CDKAL1: variants seen among roughly 807,000 people sequenced by gnomAD.
CDKAL1 encodes the protein CDKAL1 threonylcarbamoyladenosine tRNA methylthiotransferase.
CDKAL1 carries 32 observed loss-of-function variants against 68.2 expected under a neutral mutation model. The observed-to-expected ratio is 0.47, with a 90% CI of 0.35 to 0.63. CDKAL1 has a LOEUF of 0.63. Ranked by LOEUF, CDKAL1 falls within the 30% of genes least tolerant of loss-of-function variation. CDKAL1 has a pLI of 0.00. For synonymous variants in CDKAL1, 234 were observed against 244.3 expected, an observed-to-expected ratio of 0.96 and a Z score of 0.39; for missense variants, 606 against 696.7, an observed-to-expected ratio of 0.87 and a Z score of 1.47.
chr6:20,838,710 C>G (rs566683255), intron 8 of CDKAL1, among the ~76,000 whole-genome samples: 1 of 152,102 alleles, frequency 6.6e-6, no homozygotes, highest in Non-Finnish European at 1.5e-5. Context: ...CAGTGGTTCA[C>G]GCCTGTAATC....
intron 5 of CDKAL1, among the ~76,000 whole-genome samples, chr6:20,651,706 C>G (rs1768778670): frequency 6.6e-6 from 1 of 152,002 alleles, no homozygotes; most frequent in Non-Finnish European, 1.5e-5. Context: ...ATAAATGGCC[C>G]TTATTATTTT....
rs569546459 is a variant in CDKAL1 at position 20,940,887 on chromosome 6, A to G, written c.743-14532A>G. On this transcript the variant is annotated intron_variant, in intron 9 of 15. Coordinates refer to ENST00000274695, the MANE Select transcript of CDKAL1 (RefSeq NM_017774.3). ...GGGCAGATCACGAGGTCAGGAGATC[A>G]AGACCATCCTGGCTAACACAGTGAA... Among the ~76,000 whole-genome samples, 78 of 152,248 alleles carry G rather than the reference A, an allele frequency of 5.1e-4. 1 individual carries two copies. Among genetic ancestry groups the G allele is most frequent in the South Asian group, 1.9e-3 (9 of 4,820 alleles).
At chr6:20,546,876 C>T (rs2127653644) in intron 3 of CDKAL1, among the ~76,000 whole-genome samples, 1 of 152,214 alleles carries the variant, frequency 6.6e-6, no homozygotes, top group East Asian at 1.9e-4. Flanking sequence ...ATTTTCATTC[C>T]AGGGAGAAGC....
At chr6:20,927,750 G>GT (rs200566843) in intron 9 of CDKAL1, among the ~76,000 whole-genome samples, 16 of 151,226 alleles carry the variant, frequency 1.1e-4, no homozygotes, top group Admixed American at 3.3e-4. Context: ...CAGGAATAAT[G>GT]TTTTTTTTTC....
intron 15 of CDKAL1, among the ~76,000 whole-genome samples, chr6:21,204,678 C>T (rs1177389979): frequency 6.6e-6 from 1 of 152,146 alleles, no homozygotes; most frequent in East Asian, 1.9e-4. Flanking sequence ...TCTGAGCATC[C>T]ATAATTCAAT....
chr6:20,660,394 G>A (rs777493017), intron 5 of CDKAL1, among the ~76,000 whole-genome samples: 2 of 152,164 alleles, frequency 1.3e-5, no homozygotes, highest in Non-Finnish European at 2.9e-5. Flanking sequence ...ATTTGTCAAC[G>A]GTTGTAAGAA....
intron 9 of CDKAL1, among the ~76,000 whole-genome samples, chr6:20,876,527 A>C (rs1760526847): frequency 6.6e-6 from 1 of 152,178 alleles, no homozygotes; most frequent in South Asian, 2.1e-4. Context: ...TTAATGCTTC[A>C]TTCTAAGGAT....
intron 9 of CDKAL1, among the ~76,000 whole-genome samples, chr6:20,879,382 A>G (rs1760701044): frequency 6.6e-6 from 1 of 152,248 alleles, no homozygotes. Flanking sequence ...CACTGCTCTC[A>G]GATGGTTAAA....
At chr6:20,986,285 C>A (rs867630337) in intron 10 of CDKAL1, among the ~76,000 whole-genome samples, 1 of 152,082 alleles carries the variant, frequency 6.6e-6, no homozygotes, top group East Asian at 1.9e-4. Context: ...TCATTTTTCT[C>A]AAACTCACTA....
At chr6:20,910,107 T>C (rs1762401691) in intron 9 of CDKAL1, among the ~76,000 whole-genome samples, 2 of 152,252 alleles carry the variant, frequency 1.3e-5, no homozygotes, top group Non-Finnish European at 2.9e-5. Context: ...CTAATAGCTC[T>C]AACTGTTCCT....
At chr6:20,822,959 T>C (rs1368201318) in intron 8 of CDKAL1, among the ~76,000 whole-genome samples, 1 of 152,186 alleles carries the variant, frequency 6.6e-6, no homozygotes, top group African/African-American at 2.4e-5. Context: ...CTGTGAATCT[T>C]GGATAAATTA....
chr6:20,717,619 A>G (rs1772159256), intron 5 of CDKAL1, among the ~76,000 whole-genome samples: 1 of 152,184 alleles, frequency 6.6e-6, no homozygotes, highest in Non-Finnish European at 1.5e-5. Flanking sequence ...AGGCCTTATT[A>G]GAGCAATATA....
intron 9 of CDKAL1, among the ~76,000 whole-genome samples, chr6:20,881,913 T>C (rs1360375151): frequency 6.6e-6 from 1 of 152,206 alleles, no homozygotes; most frequent in Non-Finnish European, 1.5e-5. Context: ...CAAAATTTTC[T>C]CCTTTTCCCT....
At chr6:20,853,093 A>G (rs1430756636) in intron 9 of CDKAL1, among the ~76,000 whole-genome samples, 1 of 152,222 alleles carries the variant, frequency 6.6e-6, no homozygotes, top group African/African-American at 2.4e-5. Context: ...TTAAAACTGT[A>G]TGATAGACCA....
In CDKAL1 at chr6:20,891,659, C is replaced by T. The variant is rs187129375; in HGVS notation, c.742+45481C>T. ...AAGCGATTCTCCTGCCTCAGCCTCC[C>T]GAGTATCTGGGACTACAGGCATGCG... On this transcript the variant is annotated intron_variant, in intron 9 of 15. Coordinates refer to ENST00000274695, the MANE Select transcript of CDKAL1 (RefSeq NM_017774.3). Among the ~76,000 whole-genome samples the T allele has an allele frequency of 3.1e-3, 466 of 151,944 alleles. 2 individuals carry two copies. The highest frequency in any genetic ancestry group is 8.6e-3 in the African/African-American group (355 of 41,432).
At chr6:21,196,659 T>C (rs1778480253) in intron 13 of CDKAL1, among the ~76,000 whole-genome samples, 2 of 152,246 alleles carry the variant, frequency 1.3e-5, no homozygotes, top group African/African-American at 4.8e-5. Flanking sequence ...TTAGTGCAGC[T>C]GTGTTTATGT....
chr6:20,696,122 C>T (rs1771095913), intron 5 of CDKAL1, among the ~76,000 whole-genome samples: 1 of 152,238 alleles, frequency 6.6e-6, no homozygotes, highest in Non-Finnish European at 1.5e-5. Context: ...TGCATTTCTT[C>T]TCTTAGCTGT....
At chr6:21,230,479 AT>A (rs1779920763) in intron 15 of CDKAL1, among the ~76,000 whole-genome samples, 1 of 151,972 alleles carries the variant, frequency 6.6e-6, no homozygotes, top group Non-Finnish European at 1.5e-5. Context: ...TTTCTTTGTC[AT>A]TCTTCCATTG....
intron 7 of CDKAL1, among the ~76,000 whole-genome samples, chr6:20,770,997 G>A (rs1774916922): frequency 1.3e-5 from 2 of 152,076 alleles, no homozygotes. Flanking sequence ...GATCATCTCT[G>A]ACACATCCTT....
Sources: gnomAD v4.1 joint callset for allele counts (sites outside exome capture counted in the v4.1 genomes callset) on GRCh38, gnomAD v4.1.1 for gene constraint, MANE v1.5 for transcripts, NCBI Gene and HGNC (gene_info 2026-07-23, HGNC 2026-07-21) for gene names.